Variants in SHB observed in about 807,000 individuals in gnomAD.
The protein encoded by SHB is SH2 domain containing adaptor protein B.
A neutral mutation model predicts 52.3 loss-of-function variants in SHB; 20 were observed. The observed-to-expected ratio is 0.38, with a 90% CI of 0.27 to 0.56. The LOEUF is 0.56. Among genes scored for constraint, SHB ranks in the 20% least tolerant of loss-of-function variants. The pLI, the probability that SHB is intolerant of heterozygous loss-of-function variation, is 0.71. For missense variants in SHB, 825 were observed against 723.3 expected (o/e 1.14, Z -1.61); for synonymous variants, 397 against 316.5 (o/e 1.25, Z -2.70).
chr9:37,955,880 T>C lies in SHB; in HGVS notation c.1226+3A>G. The C allele has an allele frequency of 5.0e-6, 8 of 1,612,854 alleles. No individual in the cohort carries two copies. Among genetic ancestry groups the C allele is most frequent in the Middle Eastern group, 1.6e-4 (1 of 6,062 alleles). Reference sequence around the variant, plus strand: ...AGGTTGGGCTTTGCTCCCAAGAACTTACATTTGCTTCTCCAGGGGGACGGC... The same window carrying C: ...AGGTTGGGCTTTGCTCCCAAGAACTCACATTTGCTTCTCCAGGGGGACGGC... On this transcript the variant is annotated splice_donor_region_variant and intron_variant, in intron 4 of 5. Coordinates refer to ENST00000377707, the MANE Select transcript of SHB (RefSeq NM_003028.3).
intron 5 of SHB, among the ~76,000 whole-genome samples, chr9:37,942,210 CCCAG>C (rs1832442590): frequency 6.6e-6 from 1 of 152,184 alleles, no homozygotes; most frequent in Admixed American, 6.5e-5. Context: ...AGACTGAGTA[CCCAG>C]CAGTCAACAC....
chr9:37,974,432 T>G (rs1441594478), intron 3 of SHB, among the ~76,000 whole-genome samples, 190 bp downstream of exon 3: 2 of 152,088 alleles, frequency 1.3e-5, no homozygotes, highest in Non-Finnish European at 2.9e-5. Flanking sequence ...GAATTTCTCC[T>G]CGGCCTGGTT....
At chr9:38,025,128 G>A (rs1049900842) in intron 1 of SHB, among the ~76,000 whole-genome samples, 5 of 152,104 alleles carry the variant, frequency 3.3e-5, no homozygotes, top group Non-Finnish European at 5.9e-5. Context: ...AAATGTCAGA[G>A]TATAATCACC....
At chr9:37,938,180 C>T (rs532365342) in intron 5 of SHB, among the ~76,000 whole-genome samples, 1 of 152,254 alleles carries the variant, frequency 6.6e-6, no homozygotes, top group Non-Finnish European at 1.5e-5. Context: ...TTTACAAGAG[C>T]TTCCACTGCC....
chr9:38,037,226 G>A (rs1425850780), intron 1 of SHB, among the ~76,000 whole-genome samples: 4 of 152,158 alleles, frequency 2.6e-5, no homozygotes, highest in African/African-American at 9.7e-5. Flanking sequence ...TGGCACACAG[G>A]GCTCTTGTCT....
intron 2 of SHB, chr9:38,015,266 C>T (rs1458858313): frequency 8.3e-6 from 5 of 604,344 alleles, no homozygotes; most frequent in African/African-American, 1.9e-5. Context: ...GTGACCTCCC[C>T]CTAATCCTGC....
At chr9:37,993,449 A>T (rs868176669) in intron 2 of SHB, among the ~76,000 whole-genome samples, 3 of 152,166 alleles carry the variant, frequency 2.0e-5, no homozygotes, top group Admixed American at 1.3e-4. Context: ...TAGGAGATAT[A>T]CCTAATGTAA....
At chr9:37,922,745 G>A (rs1832198359) in intron 5 of SHB, among the ~76,000 whole-genome samples, 1 of 152,114 alleles carries the variant, frequency 6.6e-6, no homozygotes, top group African/African-American at 2.4e-5. Context: ...GACCCTCCTG[G>A]GCTCAAGCAC....
intron 2 of SHB, among the ~76,000 whole-genome samples, chr9:38,009,721 T>TGG (rs1199770979): frequency 6.6e-6 from 1 of 152,234 alleles, no homozygotes; most frequent in Non-Finnish European, 1.5e-5. Flanking sequence ...AATCAGTGAC[T>TGG]GGCTTCATCT....
intron 1 of SHB, among the ~76,000 whole-genome samples, chr9:38,038,703 A>T (rs1427540201): frequency 6.6e-6 from 1 of 151,558 alleles, no homozygotes; most frequent in African/African-American, 2.4e-5. Context: ...GATGCAGCCC[A>T]CTCTGCTCCC....
chr9:38,063,072 A>G (rs755644932), intron 1 of SHB, among the ~76,000 whole-genome samples: 6 of 152,248 alleles, frequency 3.9e-5, no homozygotes, highest in South Asian at 4.1e-4. Context: ...CCTTCTGGGG[A>G]ATCAACCAGG....
chr9:37,940,551 A>T (rs572431298), intron 5 of SHB, among the ~76,000 whole-genome samples: 1 of 152,286 alleles, frequency 6.6e-6, no homozygotes, highest in South Asian at 2.1e-4. Context: ...AAGGACATGA[A>T]ATCCTCCATG....
intron 5 of SHB, among the ~76,000 whole-genome samples, chr9:37,927,423 C>T (rs184283638): frequency 1.1e-4 from 16 of 152,316 alleles, no homozygotes; most frequent in East Asian, 3.9e-4. Context: ...TTTCAATAGA[C>T]GCATCAGCAG....
chr9:37,936,624 C>T (rs1355289527), intron 5 of SHB: 3 of 152,222 alleles, frequency 2.0e-5, no homozygotes, highest in East Asian at 1.9e-4. Context: ...TTTCACACTA[C>T]AACCCTGAGG....
chr9:37,965,912 C>T (rs536154669), intron 3 of SHB, among the ~76,000 whole-genome samples: 1 of 152,256 alleles, frequency 6.6e-6, no homozygotes, highest in South Asian at 2.1e-4. Context: ...ACTGTGGTTA[C>T]TGTGGTTGTT....
chr9:37,948,923 G>A (rs747160939), intron 4 of SHB, among the ~76,000 whole-genome samples, 169 bp from the exon 5 acceptor site: 1 of 152,224 alleles, frequency 6.6e-6, no homozygotes, highest in African/African-American at 2.4e-5. Flanking sequence ...GTCCTGGGGA[G>A]AGCACAGTGA....
intron 5 of SHB, among the ~76,000 whole-genome samples, chr9:37,947,640 G>T (rs1163345546): frequency 1.3e-5 from 2 of 152,166 alleles, no homozygotes; most frequent in African/African-American, 2.4e-5. Context: ...TGGGGGGAGG[G>T]GTCAGTCGTG....
At chr9:37,925,181 G>A (rs925720957) in intron 5 of SHB, among the ~76,000 whole-genome samples, 3 of 152,214 alleles carry the variant, frequency 2.0e-5, no homozygotes, top group Admixed American at 1.3e-4. Context: ...CAGAGCCGGG[G>A]CAATGAGGCC....
intron 3 of SHB, among the ~76,000 whole-genome samples, chr9:37,971,220 C>T (rs961205310): frequency 6.6e-6 from 1 of 152,252 alleles, no homozygotes; most frequent in African/African-American, 2.4e-5. Context: ...CACCCACACA[C>T]ATGCAGATGG....
Sources: allele counts gnomAD v4.1 joint callset (sites outside exome capture counted in the v4.1 genomes callset), GRCh38; gene constraint gnomAD v4.1.1; transcripts MANE v1.5; gene names NCBI Gene and HGNC (gene_info 2026-07-23, HGNC 2026-07-21).